Variants in PRKDC observed in about 807,000 individuals in gnomAD.
PRKDC encodes protein kinase, DNA-activated, catalytic subunit.
PRKDC carries 82 observed loss-of-function variants against 486.9 expected under a neutral mutation model. The ratio of observed to expected loss-of-function variants is 0.17; its 90% confidence interval spans 0.14 to 0.20. The LOEUF (loss-of-function observed/expected upper bound fraction) is 0.20. Among genes scored for constraint, PRKDC ranks in the 10% least tolerant of loss-of-function variants. The probability of loss-of-function intolerance (pLI) is 1.00; values close to 1 mark genes in which losing one functional copy is unlikely to be tolerated. For synonymous variants in PRKDC, 1,895 were observed against 1,837.0 expected (o/e 1.03, Z -0.81); for missense variants, 4,504 against 5,038.2 (o/e 0.89, Z 3.21).
intron 23 of PRKDC, among the ~76,000 whole-genome samples, chr8:47,914,313 G>T (rs188882628): frequency 1.3e-5 from 2 of 151,998 alleles, no homozygotes; most frequent in East Asian, 3.9e-4. Flanking sequence ...TCCAAATTCA[G>T]TAAGAGTTAC....
chr8:47,828,494 T>G (rs2087789468), intron 61 of PRKDC, 147 bp from the exon 62 acceptor site: 1 of 637,770 alleles, frequency 1.6e-6, no homozygotes, highest in Admixed American at 3.5e-5. Context: ...TAGCAGGCAT[T>G]GACAAGGGGA....
chr8:47,921,308 T>C (rs934023377), intron 21 of PRKDC, among the ~76,000 whole-genome samples: 3 of 152,130 alleles, frequency 2.0e-5, no homozygotes, highest in Admixed American at 2.0e-4. Flanking sequence ...CCAACTAAAT[T>C]GAATCATTAT....
intron 37 of PRKDC, 113 bp from the exon 38 acceptor site, chr8:47,881,633 C>A: frequency 1.5e-6 from 1 of 661,572 alleles, no homozygotes; most frequent in Non-Finnish European, 2.5e-6. Context: ...TAATTTTGGG[C>A]TTCAATAATA....
At chr8:47,892,546 G>A (rs1300013337) in intron 31 of PRKDC, among the ~76,000 whole-genome samples, 2 of 152,094 alleles carry the variant, frequency 1.3e-5, no homozygotes, top group Middle Eastern at 3.2e-3. Context: ...GCCCAGGCTG[G>A]TCTCAACCTC....
intron 52 of PRKDC, among the ~76,000 whole-genome samples, chr8:47,852,041 A>G (rs2088418987): frequency 6.6e-6 from 1 of 152,228 alleles, no homozygotes; most frequent in Non-Finnish European, 1.5e-5. Context: ...GCTTGAGCCC[A>G]GGAGTGCAAG....
At position 47,827,348 on chromosome 8, in the gene PRKDC, C is replaced by T. The variant is rs8178198; in HGVS notation, c.8578-487G>A. Among the ~76,000 whole-genome samples, 610 of 152,190 alleles carry T rather than the reference C, an allele frequency of 4.0e-3. 4 individuals are homozygous for T. Among genetic ancestry groups the T allele is most frequent in the South Asian group, 0.025 (120 of 4,820 alleles). The stretch of plus-strand genomic sequence containing the variant: ...ATTGAAGAATATAAATTAGTAATTA[C>T]TTCAGAAAAGGTCACTAGATACAAA... On this transcript the variant is annotated intron_variant, in intron 62 of 85. Coordinates refer to ENST00000314191, the MANE Select transcript of PRKDC (RefSeq NM_006904.7).
In PRKDC at chr8:47,933,127, T is replaced by C; in HGVS notation, c.1669A>G (p.Ser557Gly). The change falls in exon 16 of 86, where the codon AGT becomes GGT. Residue 557 changes from serine to glycine, a missense_variant. Ser to Gly is a moderately conservative substitution (Grantham distance 56, BLOSUM62 0). This residue lies in a region of PRKDC where 1,969 missense variants were observed against 2,068.9 expected (regional missense o/e 0.95). Transcript: ENST00000314191. ...DEAFFSVNSS[S>G]ESLNHLLYDE... ...TAAAGTAAATGATTCAGACTTTCACTGGAGGAATTCACAGAGAAAAATGCT... is the reference window on the plus strand; with the variant it reads ...TAAAGTAAATGATTCAGACTTTCACCGGAGGAATTCACAGAGAAAAATGCT... 6.4e-7 allele frequency: 1 copy of C among 1,561,736 alleles called. No homozygotes were observed. Among genetic ancestry groups the C allele is most frequent in the East Asian group, 2.3e-5 (1 of 43,498 alleles).
At chr8:47,823,006 C>T (rs1306162028) in intron 64 of PRKDC, among the ~76,000 whole-genome samples, 1 of 152,026 alleles carries the variant, frequency 6.6e-6, no homozygotes, top group African/African-American at 2.4e-5. Flanking sequence ...AGAGGTGGGG[C>T]CTGGTGAGAG....
At chr8:47,862,324 C>A in intron 43 of PRKDC, 49 bp downstream of exon 43, 1 of 1,548,256 alleles carries the variant, frequency 6.5e-7, no homozygotes, top group Non-Finnish European at 8.8e-7. Flanking sequence ...TATAATCTAA[C>A]TTTTGAACTC....
Position 47,858,953 on chromosome 8 carries a change from G to T in PRKDC, c.6241C>A (p.Leu2081Met), listed in dbSNP as rs771049103. 6.2e-7 allele frequency: 1 copy of T among 1,613,610 alleles called. No homozygotes were observed. The highest frequency in any genetic ancestry group is 1.1e-5 in the South Asian group (1 of 91,086). Residue 2081 changes from leucine to methionine, a missense_variant, in exon 47 of 86, where the codon CTG becomes ATG. This residue lies in a region of PRKDC where 1,592 missense variants were observed against 1,724.6 expected (regional missense o/e 0.92). Coordinates refer to ENST00000314191, the MANE Select transcript of PRKDC (RefSeq NM_006904.7). The part of the protein sequence containing the change: ...QRDPTVHDDV[L>M]ELEMDELNRH... ...TTGAGCTCGTCCATCTCCAGCTCCA[G>T]CACATCATCATGCACCGTGGGGTCC...
intron 20 of PRKDC, 126 bp downstream of exon 20, chr8:47,927,645 C>T: frequency 1.6e-6 from 2 of 1,259,986 alleles, no homozygotes; most frequent in Non-Finnish European, 2.1e-6. Context: ...CAGAAGCAGA[C>T]CCTGACCCGG....
rs1038681711 is a variant in PRKDC at position 47,862,391 on chromosome 8, A to T, written c.5901T>A (p.Phe1967Leu). The change falls in exon 43 of 86, where the codon TTT becomes TTA. Residue 1967 changes from phenylalanine to leucine, a missense_variant. Physicochemically the swap from Phe to Leu is conservative, Grantham distance 22. Around this residue, in one of 6 missense-constraint regions of PRKDC, gnomAD observed 1,592 missense variants for 1,724.6 expected, o/e 0.92. Coordinates refer to ENST00000314191, the MANE Select transcript of PRKDC (RefSeq NM_006904.7). ...NELKFYQGFL[F>L]SEKPEKNLLI... is the part of the protein sequence containing the mutation. The stretch of plus-strand genomic sequence containing the variant: ...GGCCTACCTTTTCTGGTTTTTCACT[A>T]AACAGAAAACCTTGGTAAAATTTTA... 1 of 1,613,920 alleles carries T rather than the reference A, an allele frequency of 6.2e-7. No homozygotes were observed. Among genetic ancestry groups the T allele is most frequent in the Admixed American group, 1.7e-5 (1 of 60,024 alleles).
chr8:47,928,543 A>T (rs938986114), intron 19 of PRKDC, among the ~76,000 whole-genome samples: 3 of 150,462 alleles, frequency 2.0e-5, no homozygotes, highest in African/African-American at 4.9e-5. Flanking sequence ...TTTTATTTTT[A>T]TTTATTTATT....
chr8:47,876,965 C>T (rs72647909), intron 40 of PRKDC, among the ~76,000 whole-genome samples: 10,395 of 152,238 alleles, frequency 0.068, 569 homozygotes, highest in Admixed American at 0.19. Flanking sequence ...ACATTATGCA[C>T]CTCCTAATGC....
At chr8:47,806,149 C>A (rs1159041305) in intron 69 of PRKDC, among the ~76,000 whole-genome samples, 1 of 152,226 alleles carries the variant, frequency 6.6e-6, no homozygotes, top group East Asian at 1.9e-4. Flanking sequence ...TTCCCTGCGC[C>A]CTCCAGGCTT....
At chr8:47,834,835 C>T (rs569599822) in intron 58 of PRKDC, among the ~76,000 whole-genome samples, 45 of 151,792 alleles carry the variant, frequency 3.0e-4, no homozygotes, top group African/African-American at 9.2e-4. Context: ...GGACTACAGG[C>T]GCCCGCTACC....
chr8:47,903,200 A>G (rs1219194030), intron 26 of PRKDC, among the ~76,000 whole-genome samples: 6 of 152,224 alleles, frequency 3.9e-5, no homozygotes, highest in African/African-American at 1.2e-4. Context: ...GTCAAAGAGA[A>G]TAAGACCCTT....
At chr8:47,810,872 G>C (rs968240576) in intron 68 of PRKDC, among the ~76,000 whole-genome samples, 1 of 152,088 alleles carries the variant, frequency 6.6e-6, no homozygotes, top group Non-Finnish European at 1.5e-5. Context: ...CAATAGAAAT[G>C]ATCTAATCTG....
intron 46 of PRKDC, 90 bp downstream of exon 46, chr8:47,859,521 T>C: frequency 2.1e-6 from 3 of 1,430,482 alleles, no homozygotes; most frequent in Non-Finnish European, 2.9e-6. Flanking sequence ...GACAGAGAAC[T>C]GGCTTCCTGT....
Sources: gnomAD v4.1 joint callset for allele counts (sites outside exome capture counted in the v4.1 genomes callset) on GRCh38, gnomAD v4.1.1 for gene constraint, gnomAD v4.1.1 regional missense constraint, MANE v1.5 for transcripts, NCBI Gene and HGNC (gene_info 2026-07-23, HGNC 2026-07-21) for gene names.